Variants in LINGO2 observed in about 807,000 individuals in gnomAD.
LINGO2 encodes the protein leucine rich repeat and Ig domain containing 2.
Under a neutral mutation model 30.6 loss-of-function variants are expected in LINGO2, and 14 were observed. The ratio of observed to expected loss-of-function variants is 0.46; its 90% CI spans 0.30 to 0.72. The LOEUF is 0.72. LINGO2 is among the 30% of genes least tolerant of loss of function. The pLI is 0.07. For missense variants in LINGO2, 729 were observed against 751.7 expected, an observed-to-expected ratio of 0.97 and a Z score of 0.35; for synonymous variants, 317 against 288.5, an observed-to-expected ratio of 1.10 and a Z score of -1.00.
At chr9:28,341,809 T>C (rs987328195) in intron 3 of LINGO2, among the ~76,000 whole-genome samples, 6 of 152,108 alleles carry the variant, frequency 3.9e-5, no homozygotes, top group Admixed American at 3.3e-4. Context: ...TACCATAAGG[T>C]TCACAGAAAC....
intron 4 of LINGO2, among the ~76,000 whole-genome samples, chr9:28,171,726 C>G (rs1772839415): frequency 6.6e-6 from 1 of 151,952 alleles, no homozygotes; most frequent in Non-Finnish European, 1.5e-5. Flanking sequence ...AACAGCATCT[C>G]TGCCGGGTGT....
At chr9:28,797,928 G>A in the LINGO2 span, among the ~76,000 whole-genome samples, 1 of 152,052 alleles carries the variant, frequency 6.6e-6, no homozygotes, top group Non-Finnish European at 1.5e-5. Flanking sequence ...CCATGAGGCA[G>A]GAGAAAAACC....
At chr9:28,251,641 G>C (rs1161815552) in intron 4 of LINGO2, among the ~76,000 whole-genome samples, 1 of 150,562 alleles carries the variant, frequency 6.6e-6, no homozygotes, top group African/African-American at 2.4e-5. Context: ...TTCAAAAATA[G>C]AACTGTTTTC....
At chr9:29,050,713 T>G in the LINGO2 span, among the ~76,000 whole-genome samples, 2 of 152,282 alleles carry the variant, frequency 1.3e-5, no homozygotes, top group Non-Finnish European at 1.5e-5. Flanking sequence ...AGTGTATACA[T>G]TTTTTTCTTC....
At chr9:28,004,627 G>GTT (rs112664786) in intron 5 of LINGO2, among the ~76,000 whole-genome samples, 33 of 151,982 alleles carry the variant, frequency 2.2e-4, no homozygotes, top group African/African-American at 7.0e-4. Flanking sequence ...GTGATAAGTA[G>GTT]TTTTTTTTCC....
At chr9:28,653,990 AC>A (rs1828227215) in intron 1 of LINGO2, among the ~76,000 whole-genome samples, 2 of 152,098 alleles carry the variant, frequency 1.3e-5, no homozygotes, top group African/African-American at 4.8e-5. Context: ...TATATTTTTT[AC>A]GTTTATCTAT....
intron 4 of LINGO2, among the ~76,000 whole-genome samples, chr9:28,278,165 G>T (rs1823195703): frequency 6.6e-6 from 1 of 152,142 alleles, no homozygotes; most frequent in Non-Finnish European, 1.5e-5. Flanking sequence ...TAAGAAAGCT[G>T]CAGGAAAAAA....
chr9:28,251,130 T>C (rs1247509862), intron 4 of LINGO2, among the ~76,000 whole-genome samples: 2 of 152,158 alleles, frequency 1.3e-5, no homozygotes, highest in Admixed American at 6.5e-5. Flanking sequence ...GCTTAGAACA[T>C]TTACTTTAGA....
the LINGO2 span, among the ~76,000 whole-genome samples, chr9:28,978,992 G>A: frequency 3.3e-5 from 5 of 152,000 alleles, no homozygotes; most frequent in African/African-American, 1.2e-4. Context: ...CCACAGGCAG[G>A]AGTGAGACTG....
At chr9:28,452,155 T>C (rs575333864) in intron 2 of LINGO2, among the ~76,000 whole-genome samples, 18 of 151,904 alleles carry the variant, frequency 1.2e-4, no homozygotes, top group Admixed American at 1.1e-3. Context: ...CATTGAGATA[T>C]GATTTAGAAT....
the LINGO2 span, among the ~76,000 whole-genome samples, chr9:29,027,247 A>C: frequency 3.3e-5 from 5 of 152,226 alleles, no homozygotes; most frequent in Non-Finnish European, 5.9e-5. Flanking sequence ...TTAAAAAATT[A>C]TGTTCTAGCA....
chr9:27,978,820 C>T (rs1289201955), intron 5 of LINGO2, among the ~76,000 whole-genome samples: 1 of 151,980 alleles, frequency 6.6e-6, no homozygotes, highest in African/African-American at 2.4e-5. Flanking sequence ...TTTACTACAG[C>T]TAATGTTGCA....
intron 4 of LINGO2, among the ~76,000 whole-genome samples, chr9:28,197,253 C>T (rs1820045846): frequency 6.6e-6 from 1 of 151,618 alleles, no homozygotes; most frequent in African/African-American, 2.4e-5. Context: ...ATAAAGTTTA[C>T]ATGAAAAATA....
intron 4 of LINGO2, among the ~76,000 whole-genome samples, chr9:28,020,800 C>G (rs1823080140): frequency 6.6e-6 from 1 of 152,138 alleles, no homozygotes; most frequent in Non-Finnish European, 1.5e-5. Context: ...TCCACTTTAT[C>G]TAAGGTAACA....
the LINGO2 span, among the ~76,000 whole-genome samples, chr9:28,763,505 C>A: frequency 2.0e-5 from 3 of 151,686 alleles, no homozygotes; most frequent in Non-Finnish European, 4.4e-5. Flanking sequence ...CATTCATGTA[C>A]AACTAATCAA....
In LINGO2 at chr9:28,121,424, G is replaced by A. The variant is rs148905163; in HGVS notation, c.-86-109019C>T. Among the ~76,000 whole-genome samples the A allele has an allele frequency of 1.9e-3, 289 of 152,148 alleles. 5 individuals are homozygous for A. In the South Asian group the frequency reaches 0.04, roughly 21 times the overall value. On this transcript the variant is annotated intron_variant, in intron 4 of 5. Transcript: ENST00000379992. Reference sequence around the variant, plus strand: ...TATTGTTACACAGGAATTTTATCTCGTTAAAATTTAAATTCTTTATCTTTG... The same window carrying A: ...TATTGTTACACAGGAATTTTATCTCATTAAAATTTAAATTCTTTATCTTTG...
chr9:28,193,646 G>A (rs1212242819), intron 4 of LINGO2, among the ~76,000 whole-genome samples: 1 of 152,176 alleles, frequency 6.6e-6, no homozygotes, highest in African/African-American at 2.4e-5. Context: ...GTTCTACTTA[G>A]CGATTGCTGT....
the LINGO2 span, among the ~76,000 whole-genome samples, chr9:29,060,147 G>A: frequency 6.6e-6 from 1 of 151,888 alleles, no homozygotes; most frequent in Admixed American, 6.6e-5. Context: ...CAGCAGCAGG[G>A]GCCATTCACA....
chr9:28,068,830 T>C (rs1353044542), intron 4 of LINGO2, among the ~76,000 whole-genome samples: 1 of 152,168 alleles, frequency 6.6e-6, no homozygotes, highest in African/African-American at 2.4e-5. Context: ...CAAGGTACTA[T>C]GAAGGATACA....
Sources: gnomAD v4.1 joint callset for allele counts (sites outside exome capture counted in the v4.1 genomes callset) on GRCh38, gnomAD v4.1.1 for gene constraint, MANE v1.5 for transcripts, NCBI Gene and HGNC (gene_info 2026-07-23, HGNC 2026-07-21) for gene names.